The following CLRN1 variants were observed in gnomAD, a reference collection of about 807,000 sequenced individuals.
The protein encoded by CLRN1 is clarin-1.
In CLRN1, 15 loss-of-function variants were observed where a neutral mutation model predicts 18.7. The ratio of observed to expected loss-of-function variants is 0.80; its 90% CI spans 0.54 to 1.23. The LOEUF (loss-of-function observed/expected upper bound fraction) is 1.23, where lower values mean the gene tolerates loss of function less well. Ranked by LOEUF, CLRN1 falls within the 50% of genes most tolerant of loss-of-function variation. CLRN1 has a pLI of 0.00. For missense variants in CLRN1, 311 were observed against 277.5 expected (o/e 1.12, Z -0.86); for synonymous variants, 104 against 102.9 (o/e 1.01, Z -0.07).
At chr3:150,929,888 A>T (rs1713047793) in intron 2 of CLRN1, among the ~76,000 whole-genome samples, 1 of 152,222 alleles carries the variant, frequency 6.6e-6, no homozygotes, top group Non-Finnish European at 1.5e-5. Context: ...CACTAATTTT[A>T]TGTCTCCTTT....
At position 150,928,000 on chromosome 3, in the gene CLRN1, T is replaced by G; in HGVS notation, c.635A>C (p.Gln212Pro). The change falls in exon 3 of 3, where the codon CAG becomes CCG. Residue 212 changes from glutamine (Q) to proline (P), a missense_variant. Physicochemically the swap from Gln to Pro is moderately conservative, Grantham distance 76 (BLOSUM62 -1). Coordinates refer to ENST00000327047, the MANE Select transcript of CLRN1 (RefSeq NM_174878.3). ...GTCTTTAGATTTTGCAAAAGGGAAC[T>G]GAAATCCAGCAAGTCGTATTAGGAG... The part of the protein sequence containing the change: ...NGLLIRLAGF[Q>P]FPFAKSKDAE... 6.2e-7 allele frequency: 1 copy of G among 1,614,050 alleles called. No homozygotes were observed. Among genetic ancestry groups the G allele is most frequent in the East Asian group, 2.2e-5 (1 of 44,890 alleles).
At chr3:150,940,695 T>A (rs1386484153) in intron 2 of CLRN1, among the ~76,000 whole-genome samples, 2 of 152,230 alleles carry the variant, frequency 1.3e-5, no homozygotes, top group Non-Finnish European at 2.9e-5. Context: ...GTCAGAGATC[T>A]CCTACAGAAC....
At chr3:150,949,382 A>C (rs925560590) in intron 1 of CLRN1, among the ~76,000 whole-genome samples, 1 of 152,180 alleles carries the variant, frequency 6.6e-6, no homozygotes, top group Non-Finnish European at 1.5e-5. Context: ...AGAAAGAAAT[A>C]AAGGGCATCC....
intron 2 of CLRN1, among the ~76,000 whole-genome samples, chr3:150,932,895 T>C (rs2107935294): frequency 1.3e-5 from 2 of 152,308 alleles, no homozygotes; most frequent in East Asian, 3.9e-4. Context: ...TTCCAAAGGA[T>C]AGATGTAGAT....
intron 1 of CLRN1, among the ~76,000 whole-genome samples, chr3:150,957,814 G>T (rs776102327): frequency 6.6e-6 from 1 of 152,050 alleles, no homozygotes; most frequent in South Asian, 2.1e-4. Flanking sequence ...GTGCCACCAC[G>T]CCCGGCTAAT....
chr3:150,963,697 G>A (rs1467536420), intron 1 of CLRN1, among the ~76,000 whole-genome samples: 2 of 152,130 alleles, frequency 1.3e-5, no homozygotes, highest in Non-Finnish European at 2.9e-5. Context: ...AAACAGCATG[G>A]TACTTGTATC....
chr3:150,934,520 C>T (rs1713342265), intron 2 of CLRN1, among the ~76,000 whole-genome samples: 1 of 152,080 alleles, frequency 6.6e-6, no homozygotes, highest in Non-Finnish European at 1.5e-5. Flanking sequence ...TTTTTATCAC[C>T]TCCAAAAGGC....
intron 1 of CLRN1, among the ~76,000 whole-genome samples, chr3:150,953,937 C>T (rs1264710836): frequency 2.0e-5 from 3 of 152,194 alleles, no homozygotes; most frequent in Non-Finnish European, 4.4e-5. Flanking sequence ...AGTGAAGTAA[C>T]TTGCCCAAAG....
intron 1 of CLRN1, among the ~76,000 whole-genome samples, chr3:150,957,753 G>A (rs768513977): frequency 6.6e-6 from 1 of 152,086 alleles, no homozygotes; most frequent in South Asian, 2.1e-4. Context: ...CTGCCTCCCG[G>A]GTTCAAGCAA....
chr3:150,972,885 C>T (rs979137006), upstream of CLRN1: 1 of 786,206 alleles, frequency 1.3e-6, no homozygotes, highest in African/African-American at 1.7e-5. Flanking sequence ...ATGAAGGCCT[C>T]ATCATCACTC....
In CLRN1 at chr3:150,927,916, A is replaced by C; in HGVS notation, c.*20T>G. The C allele has an allele frequency of 6.2e-7, 1 of 1,613,972 alleles. No homozygotes were observed. The highest frequency in any genetic ancestry group is 1.3e-5 in the African/African-American group (1 of 75,056). The stretch of plus-strand genomic sequence containing the variant: ...CAAAGCAAGTCTACTCCCTTGTAAA[A>C]TTATAGAAAGGTTTGCCTTTCAGTA... On this transcript the variant is annotated 3_prime_UTR_variant, in exon 3 of 3. Transcript: ENST00000327047.
At chr3:150,953,253 A>T (rs1714578730) in intron 1 of CLRN1, among the ~76,000 whole-genome samples, 1 of 152,236 alleles carries the variant, frequency 6.6e-6, no homozygotes, top group Non-Finnish European at 1.5e-5. Flanking sequence ...AGCTATTGAC[A>T]AGTGAAAGGG....
At chr3:150,958,783 C>T (rs370895909) in intron 1 of CLRN1, among the ~76,000 whole-genome samples, 144 of 152,276 alleles carry the variant, frequency 9.5e-4, no homozygotes, top group Admixed American at 2.0e-3. Context: ...ATCTATAGCT[C>T]GTGGTAGGAT....
intron 1 of CLRN1, chr3:150,943,975 G>T: frequency 6.8e-7 from 1 of 1,473,350 alleles, no homozygotes. Flanking sequence ...GTCCCATGAA[G>T]GGGTCAAGAA....
intron 1 of CLRN1, among the ~76,000 whole-genome samples, chr3:150,951,154 T>G (rs956676272): frequency 6.6e-6 from 1 of 151,770 alleles, no homozygotes; most frequent in African/African-American, 2.4e-5. Context: ...GGATGGAGGG[T>G]GGGAGGAGGG....
chr3:150,964,494 T>C (rs1189109628), intron 1 of CLRN1, among the ~76,000 whole-genome samples: 1 of 152,210 alleles, frequency 6.6e-6, no homozygotes, highest in Non-Finnish European at 1.5e-5. Context: ...GAAGACAGTG[T>C]GGCAATTCCT....
intron 2 of CLRN1, among the ~76,000 whole-genome samples, chr3:150,936,210 C>G (rs1375593815): frequency 5.9e-5 from 9 of 151,990 alleles, no homozygotes; most frequent in Non-Finnish European, 1.2e-4. Flanking sequence ...TGAAGTGGTC[C>G]TAGGTCAGTT....
intron 2 of CLRN1, chr3:150,940,631 TC>T: frequency 9.8e-7 from 1 of 1,016,632 alleles, no homozygotes; most frequent in Non-Finnish European, 1.4e-6. Context: ...ATTACTTGCC[TC>T]CCAGGAATCT....
chr3:150,961,363 G>A (rs1423106678), intron 1 of CLRN1, among the ~76,000 whole-genome samples: 1 of 152,166 alleles, frequency 6.6e-6, no homozygotes, highest in East Asian at 1.9e-4. Flanking sequence ...AATTGGTCTG[G>A]GATGGAGCCT....
Sources: gnomAD v4.1 joint callset for allele counts (sites outside exome capture counted in the v4.1 genomes callset) on GRCh38, gnomAD v4.1.1 for gene constraint, MANE v1.5 for transcripts, NCBI Gene and HGNC (gene_info 2026-07-23, HGNC 2026-07-21) for gene names.